Variants in SPATA17 observed in about 807,000 individuals in gnomAD.
SPATA17 encodes spermatogenesis associated 17.
A neutral mutation model predicts 62.2 loss-of-function variants in SPATA17; 53 were observed. The observed-to-expected ratio is 0.85, with a 90% CI of 0.68 to 1.07. SPATA17 has a LOEUF of 1.07. Among genes scored for constraint, SPATA17 ranks in the 50% least tolerant of loss-of-function variants. The pLI is 0.00. For synonymous variants in SPATA17, 146 were observed against 146.8 expected (o/e 0.99, Z 0.04); for missense variants, 466 against 425.5 (o/e 1.10, Z -0.84).
At chr1:217,765,961 A>T (rs572675586) in intron 6 of SPATA17, among the ~76,000 whole-genome samples, 22 of 151,964 alleles carry the variant, frequency 1.4e-4, no homozygotes, top group Non-Finnish European at 2.9e-4. Flanking sequence ...CTGTACCTGA[A>T]ATTAATATAG....
At chr1:217,828,164 C>T (rs554095610) in intron 9 of SPATA17, among the ~76,000 whole-genome samples, 38 of 152,080 alleles carry the variant, frequency 2.5e-4, no homozygotes, top group Admixed American at 5.2e-4. Flanking sequence ...ATCATACTTT[C>T]TGATTTAAAG....
chr1:217,700,256 T>C (rs979734756), intron 5 of SPATA17, among the ~76,000 whole-genome samples: 7 of 152,174 alleles, frequency 4.6e-5, no homozygotes, highest in African/African-American at 1.7e-4. Flanking sequence ...TGGGAAGAAT[T>C]GATTCATTTT....
chr1:217,731,635 C>A (rs551777187), intron 5 of SPATA17, among the ~76,000 whole-genome samples: 4 of 152,048 alleles, frequency 2.6e-5, no homozygotes, highest in Non-Finnish European at 5.9e-5. Flanking sequence ...TTTTCATTAT[C>A]CCATAGTAAA....
intron 9 of SPATA17, among the ~76,000 whole-genome samples, chr1:217,856,688 C>A (rs1443058181): frequency 6.6e-6 from 1 of 152,138 alleles, no homozygotes; most frequent in Non-Finnish European, 1.5e-5. Context: ...ACACAAATAA[C>A]TAAGATTGAA....
At chr1:217,669,279 T>A (rs1372702442) in intron 4 of SPATA17, among the ~76,000 whole-genome samples, 196 bp downstream of exon 4, 1 of 152,164 alleles carries the variant, frequency 6.6e-6, no homozygotes, top group Non-Finnish European at 1.5e-5. Context: ...ATGTAAAACA[T>A]GTAATTATAA....
At chr1:217,632,914 C>G (rs959336704) in intron 1 of SPATA17, among the ~76,000 whole-genome samples, 8 of 152,100 alleles carry the variant, frequency 5.3e-5, no homozygotes, top group African/African-American at 1.7e-4. Flanking sequence ...AATTACAATA[C>G]TAGCTGGGCT....
intron 9 of SPATA17, among the ~76,000 whole-genome samples, chr1:217,814,208 A>G (rs1339628784): frequency 6.6e-6 from 1 of 152,240 alleles, no homozygotes; most frequent in Non-Finnish European, 1.5e-5. Context: ...TAAGTGATGA[A>G]CAAACATAAT....
chr1:217,841,858 GATAA>G (rs1186721447), intron 9 of SPATA17, among the ~76,000 whole-genome samples: 4 of 150,578 alleles, frequency 2.7e-5, no homozygotes, highest in African/African-American at 4.9e-5. Context: ...TTATGTATAT[GATAA>G]ATATATATAA....
intron 3 of SPATA17, among the ~76,000 whole-genome samples, chr1:217,656,987 C>T (rs576296843): frequency 4.0e-4 from 61 of 152,248 alleles, no homozygotes; most frequent in Admixed American, 8.5e-4. Flanking sequence ...ACACGGAGTT[C>T]CTGTGGGACT....
At chr1:217,752,775 C>T (rs536998457) in intron 6 of SPATA17, among the ~76,000 whole-genome samples, 4 of 152,308 alleles carry the variant, frequency 2.6e-5, no homozygotes, top group African/African-American at 9.6e-5. Context: ...TTCTCCCCCA[C>T]TTCTCACAGA....
intron 3 of SPATA17, among the ~76,000 whole-genome samples, chr1:217,663,414 C>T (rs1343749780): frequency 6.6e-6 from 1 of 150,842 alleles, no homozygotes; most frequent in Non-Finnish European, 1.5e-5. Context: ...CATTGCACTC[C>T]AGCCTGGGCA....
rs1286502323 is a variant in SPATA17 at position 217,708,845 on chromosome 1, G to A, written c.395+25484G>A. 2.0e-5 allele frequency among the ~76,000 whole-genome samples: 3 copies of A among 151,962 alleles called. 1 individual carries two copies. In the South Asian group the frequency reaches 6.2e-4, roughly 32 times the overall value. ...AAAGGAAATCCACCATGATCAAGTG[G>A]GCTTTATCCCTGGGATGCAAGGTAG... On this transcript the variant is annotated intron_variant, in intron 5 of 10. Transcript: ENST00000366933.
intron 3 of SPATA17, among the ~76,000 whole-genome samples, chr1:217,658,923 G>A (rs1367905686): frequency 3.3e-5 from 5 of 151,806 alleles, no homozygotes; most frequent in African/African-American, 9.7e-5. Context: ...TTCTATTGTC[G>A]CCTGAGCCAC....
intron 9 of SPATA17, among the ~76,000 whole-genome samples, chr1:217,802,338 C>T (rs2102988049): frequency 6.6e-6 from 1 of 152,242 alleles, no homozygotes; most frequent in South Asian, 2.1e-4. Context: ...GTGTCATATG[C>T]ACTTTCATAA....
At chr1:217,773,148 A>G (rs1289274331) in intron 6 of SPATA17, among the ~76,000 whole-genome samples, 2 of 152,184 alleles carry the variant, frequency 1.3e-5, no homozygotes, top group Non-Finnish European at 2.9e-5. Flanking sequence ...TTGCTGAGTT[A>G]GGCTGGAAAT....
At chr1:217,856,835 G>A (rs1297961239) in intron 9 of SPATA17, among the ~76,000 whole-genome samples, 4 of 152,290 alleles carry the variant, frequency 2.6e-5, no homozygotes, top group Middle Eastern at 6.8e-3. Context: ...TGCAATGAGA[G>A]CAAAGTTTGA....
At chr1:217,819,217 AT>A (rs911865030) in intron 9 of SPATA17, among the ~76,000 whole-genome samples, 4 of 150,054 alleles carry the variant, frequency 2.7e-5, no homozygotes, top group Admixed American at 2.0e-4. Context: ...ATGAGGTTCT[AT>A]TTTGCTTATT....
At position 217,857,010 on chromosome 1, in the gene SPATA17, A is replaced by G. The variant is rs192502919; in HGVS notation, c.1006-5764A>G. 8.6e-4 allele frequency among the ~76,000 whole-genome samples: 131 copies of G among 152,290 alleles called. 1 individual carries two copies. The highest frequency in any genetic ancestry group is 2.6e-3 in the Admixed American group (39 of 15,290). On this transcript the variant is annotated intron_variant, in intron 9 of 10. Coordinates refer to ENST00000366933, the MANE Select transcript of SPATA17 (RefSeq NM_138796.4). ...TTATACGTAGCGAGAAGTTCTTGCC[A>G]TGCTCCTTTTTTCTAACTCTAGTAG...
intron 5 of SPATA17, among the ~76,000 whole-genome samples, chr1:217,701,542 T>C (rs895663084): frequency 6.6e-6 from 1 of 151,480 alleles, no homozygotes; most frequent in African/African-American, 2.4e-5. Context: ...CCAACCACCA[T>C]GCCTGGCTAA....
Sources: gnomAD v4.1 joint callset for allele counts (sites outside exome capture counted in the v4.1 genomes callset) on GRCh38, gnomAD v4.1.1 for gene constraint, MANE v1.5 for transcripts, NCBI Gene and HGNC (gene_info 2026-07-23, HGNC 2026-07-21) for gene names.